The following GRIK2 variants were observed in gnomAD, a reference collection of about 807,000 sequenced individuals.
The protein encoded by GRIK2 is glutamate receptor ionotropic, kainate 2.
GRIK2 carries 32 observed loss-of-function variants against 100.3 expected under a neutral mutation model. That is an observed-to-expected ratio of 0.32 (90% CI 0.24 to 0.43). The LOEUF is 0.43. Among genes scored for constraint, GRIK2 ranks in the 20% least tolerant of loss-of-function variants. GRIK2 has a pLI of 1.00. For missense variants in GRIK2, 843 were observed against 1,114.9 expected, an observed-to-expected ratio of 0.76 and a Z score of 3.47; for synonymous variants, 417 against 389.4, an observed-to-expected ratio of 1.07 and a Z score of -0.83.
At chr6:101,661,464 C>T (rs71566381) in intron 4 of GRIK2, among the ~76,000 whole-genome samples, 3,223 of 152,094 alleles carry the variant, frequency 0.021, 38 homozygotes, top group Non-Finnish European at 0.03. Flanking sequence ...GACTTCAGCC[C>T]CCTTGCCAGG....
intron 2 of GRIK2, among the ~76,000 whole-genome samples, chr6:101,478,067 A>G (rs1307044873): frequency 1.3e-5 from 2 of 152,222 alleles, no homozygotes; most frequent in African/African-American, 4.8e-5. Flanking sequence ...TGGACTACCA[A>G]TTACCTTTAC....
At chr6:101,721,557 T>C (rs1774488015) in intron 7 of GRIK2, among the ~76,000 whole-genome samples, 1 of 151,938 alleles carries the variant, frequency 6.6e-6, no homozygotes, top group Non-Finnish European at 1.5e-5. Flanking sequence ...TGCAGTGCAC[T>C]CCAAGTGCAC....
At chr6:101,738,033 T>A (rs761543034) in intron 7 of GRIK2, among the ~76,000 whole-genome samples, 2 of 152,204 alleles carry the variant, frequency 1.3e-5, no homozygotes, top group African/African-American at 2.4e-5. Context: ...TGTCTTCTTT[T>A]TTTTCTTAGT....
chr6:101,660,639 A>C (rs1769541953), intron 4 of GRIK2, among the ~76,000 whole-genome samples: 1 of 151,990 alleles, frequency 6.6e-6, no homozygotes, highest in South Asian at 2.1e-4. Flanking sequence ...GATGTTGGTG[A>C]CCTTCTGATG....
In GRIK2 at chr6:102,003,699, A is replaced by G. The variant is rs569819412; in HGVS notation, c.2086-31642A>G. ...TTGCTGGAAAAAATTAGACTACAAT[A>G]TTTTCTGTCAACTATTCAACAATAT... On this transcript the variant is annotated intron_variant, in intron 14 of 16. Coordinates refer to ENST00000369134, the MANE Select transcript of GRIK2 (RefSeq NM_021956.5). 1.8e-4 allele frequency among the ~76,000 whole-genome samples: 28 copies of G among 151,746 alleles called. 1 individual carries two copies. In the South Asian group the frequency reaches 5.6e-3, roughly 30 times the overall value.
At chr6:101,977,236 TTA>T (rs2128488025) in intron 14 of GRIK2, among the ~76,000 whole-genome samples, 1 of 31,610 alleles carries the variant, frequency 3.2e-5, no homozygotes, top group African/African-American at 5.0e-5. Flanking sequence ...AGTGGCTATG[TTA>T]TGTTATGTTA....
At chr6:101,861,618 G>T (rs1336982470) in intron 11 of GRIK2, among the ~76,000 whole-genome samples, 1 of 151,940 alleles carries the variant, frequency 6.6e-6, no homozygotes, top group East Asian at 1.9e-4. Flanking sequence ...AATATTTAGG[G>T]TACAACAAAG....
chr6:101,518,152 G>T (rs187762472), intron 2 of GRIK2, among the ~76,000 whole-genome samples: 1 of 152,006 alleles, frequency 6.6e-6, no homozygotes, highest in African/African-American at 2.4e-5. Flanking sequence ...ATTGGAATGC[G>T]TTTTGTTTAA....
chr6:101,632,709 C>A (rs757384408), intron 4 of GRIK2, among the ~76,000 whole-genome samples: 12 of 152,006 alleles, frequency 7.9e-5, no homozygotes, highest in Admixed American at 3.9e-4. Flanking sequence ...CAGCTGCTAT[C>A]TTAGGCAGAG....
At chr6:101,531,007 G>A (rs1775413452) in intron 2 of GRIK2, among the ~76,000 whole-genome samples, 1 of 151,978 alleles carries the variant, frequency 6.6e-6, no homozygotes, top group Non-Finnish European at 1.5e-5. Flanking sequence ...TGTGAGATCT[G>A]AAAGTGATCA....
rs193163108 is a variant in GRIK2, at chr6:101,584,395, G to A, written c.116-37554G>A. ...ATTCTCAGGTTTTCAAATAAAAATGGTCTAGTTTAATGCAATTTCACAGAA... is the reference window on the plus strand; with the variant it reads ...ATTCTCAGGTTTTCAAATAAAAATGATCTAGTTTAATGCAATTTCACAGAA... On this transcript the variant is annotated intron_variant, in intron 2 of 16. Coordinates refer to ENST00000369134, the MANE Select transcript of GRIK2 (RefSeq NM_021956.5). Among the ~76,000 whole-genome samples the A allele has an allele frequency of 6.2e-4, 94 of 152,052 alleles. 1 individual carries two copies. The highest frequency in any genetic ancestry group is 1.1e-3 in the Non-Finnish European group (77 of 67,928).
chr6:102,062,639 A>G, intron 16 of GRIK2, among the ~76,000 whole-genome samples: 1 of 150,408 alleles, frequency 6.6e-6, no homozygotes, highest in East Asian at 1.9e-4. Context: ...GGTTGTATAT[A>G]TTTTTTTAAC....
chr6:101,506,046 T>C (rs1002884836), intron 2 of GRIK2, among the ~76,000 whole-genome samples: 2 of 152,148 alleles, frequency 1.3e-5, no homozygotes, highest in Non-Finnish European at 2.9e-5. Flanking sequence ...ATACGTACTT[T>C]GAAATAAATT....
intron 2 of GRIK2, among the ~76,000 whole-genome samples, chr6:101,457,845 A>G (rs1771091578): frequency 6.6e-6 from 1 of 152,124 alleles, no homozygotes; most frequent in Admixed American, 6.5e-5. Flanking sequence ...TGTGGCTACT[A>G]CTCTGAAAGC....
chr6:101,884,842 T>C (rs1237687553), intron 11 of GRIK2, among the ~76,000 whole-genome samples: 2 of 152,192 alleles, frequency 1.3e-5, no homozygotes, highest in Non-Finnish European at 2.9e-5. Context: ...AATTTTATCC[T>C]ATGCCTTAGG....
At chr6:101,715,875 T>G (rs1166778498) in intron 7 of GRIK2, among the ~76,000 whole-genome samples, 1 of 151,976 alleles carries the variant, frequency 6.6e-6, no homozygotes, top group East Asian at 1.9e-4. Context: ...CTATATTTTC[T>G]AAATACAGGA....
At chr6:101,472,873 A>AT (rs1772022413) in intron 2 of GRIK2, among the ~76,000 whole-genome samples, 2 of 151,670 alleles carry the variant, frequency 1.3e-5, no homozygotes, top group Admixed American at 1.3e-4. Context: ...TTTATTTTCA[A>AT]TTTTTTTGAT....
intron 9 of GRIK2, among the ~76,000 whole-genome samples, chr6:101,814,719 G>A (rs936074296): frequency 2.0e-5 from 3 of 152,068 alleles, no homozygotes; most frequent in Admixed American, 2.0e-4. Context: ...ATGATAAAAT[G>A]TGTGAACAAA....
chr6:101,517,979 ACCAC>A (rs150300412), intron 2 of GRIK2, among the ~76,000 whole-genome samples: 4,717 of 152,274 alleles, frequency 0.031, 102 homozygotes, highest in South Asian at 0.053. Flanking sequence ...GTGTCTGTTA[ACCAC>A]CATACCATTA....
Sources: allele counts gnomAD v4.1 joint callset (sites outside exome capture counted in the v4.1 genomes callset), GRCh38; gene constraint gnomAD v4.1.1; transcripts MANE v1.5; gene names NCBI Gene and HGNC (gene_info 2026-07-23, HGNC 2026-07-21).